The following ANKRD26 variants were observed in gnomAD, a reference collection of about 807,000 sequenced individuals.
ANKRD26 encodes the protein ankyrin repeat domain-containing protein 26.
Under a neutral mutation model 208.7 loss-of-function variants are expected in ANKRD26, and 141 were observed. That is an observed-to-expected ratio of 0.68 (90% CI 0.59 to 0.78). ANKRD26 has a LOEUF of 0.78. Among genes scored for constraint, ANKRD26 ranks in the 30% least tolerant of loss-of-function variants. The pLI, the probability that ANKRD26 is intolerant of heterozygous loss-of-function variation, is 0.00. For synonymous variants in ANKRD26, 636 were observed against 660.4 expected (o/e 0.96, Z 0.57); for missense variants, 1,889 against 1,938.7 (o/e 0.97, Z 0.48).
rs552676067 is a variant in ANKRD26 at position 27,074,573 on chromosome 10, A to AG, written c.1077+2764dup. Among the ~76,000 whole-genome samples, 24 of 152,066 alleles carry AG rather than the reference A, an allele frequency of 1.6e-4. No homozygotes were observed. In the East Asian group the frequency reaches 3.3e-3, roughly 21 times the overall value. On this transcript the variant is annotated intron_variant, in intron 9 of 33. Coordinates refer to ENST00000376087, the MANE Select transcript of ANKRD26 (RefSeq NM_014915.3). Reference sequence around the variant, plus strand: ...GCGTATACCTGTAATCCTAGCTACTAGGGGGGCTGAAGCAGGAGAAGTGCT... The same window carrying AG: ...GCGTATACCTGTAATCCTAGCTACTAGGGGGGGCTGAAGCAGGAGAAGTGCT...
intron 9 of ANKRD26, among the ~76,000 whole-genome samples, chr10:27,070,192 G>A (rs923718315): frequency 6.6e-6 from 1 of 151,042 alleles, no homozygotes; most frequent in Admixed American, 6.6e-5. Flanking sequence ...ATCACTTGAG[G>A]CCAGGTGTTC....
chr10:27,044,186 T>A lies in ANKRD26; in HGVS notation c.1990A>T (p.Thr664Ser). 7.0e-7 allele frequency: 1 copy of A among 1,429,432 alleles called. No individual in the cohort carries two copies. The highest frequency in any genetic ancestry group is 1.9e-5 in the Admixed American group (1 of 51,492). 88.5% of individuals were successfully genotyped at this position (1,429,432 alleles called of 1,614,324 possible). ...SEIDEDEGRP[T>S]KKTSNEKNKV... ...TTCTTTTCATTAGATGTTTTCTTAGTAGGCCTAAAAAAAAAAAATACCTTT... is the reference window on the plus strand; with the variant it reads ...TTCTTTTCATTAGATGTTTTCTTAGAAGGCCTAAAAAAAAAAAATACCTTT... The change falls in exon 19 of 34, where the codon ACT (threonine) becomes TCT (serine). Residue 664 changes from threonine to serine, a missense_variant. Thr to Ser is a moderately conservative substitution (Grantham distance 58). Transcript: ENST00000376087.
At chr10:27,042,558 C>T (rs1484072515) in intron 20 of ANKRD26, among the ~76,000 whole-genome samples, 1 of 152,066 alleles carries the variant, frequency 6.6e-6, no homozygotes, top group Non-Finnish European at 1.5e-5. Flanking sequence ...TTGAGACCAT[C>T]CTGGCTAACA....
At chr10:27,081,801 A>T (rs1397730336) in intron 6 of ANKRD26, among the ~76,000 whole-genome samples, 1 of 151,832 alleles carries the variant, frequency 6.6e-6, no homozygotes, top group Admixed American at 6.6e-5. Context: ...GCAGTGGCGC[A>T]ATCTCGGCTC....
intron 4 of ANKRD26, among the ~76,000 whole-genome samples, chr10:26,998,005 G>A (rs2052634616): frequency 6.6e-6 from 1 of 152,144 alleles, no homozygotes; most frequent in African/African-American, 2.4e-5. Flanking sequence ...TGTTGGGTCT[G>A]ATTACCCCAA....
At chr10:26,967,907 A>C in the ANKRD26 span, among the ~76,000 whole-genome samples, 1 of 152,036 alleles carries the variant, frequency 6.6e-6, no homozygotes, top group Non-Finnish European at 1.5e-5. Context: ...CTCTTCCCTG[A>C]ATTACTAAAT....
intron 32 of ANKRD26, among the ~76,000 whole-genome samples, chr10:27,007,675 C>A (rs1280758178): frequency 1.3e-5 from 2 of 152,080 alleles, no homozygotes; most frequent in South Asian, 2.1e-4. Context: ...AACAAAAAAA[C>A]CACTTTCCAT....
intron 29 of ANKRD26, among the ~76,000 whole-genome samples, chr10:27,021,545 T>C (rs769431256): frequency 1.3e-5 from 2 of 152,220 alleles, no homozygotes; most frequent in East Asian, 3.8e-4. Context: ...ATTAGTGATG[T>C]TGAGCATTTT....
chr10:27,086,494 T>G, intron 5 of ANKRD26, 45 bp downstream of exon 5: 1 of 1,595,674 alleles, frequency 6.3e-7, no homozygotes, highest in Non-Finnish European at 8.5e-7. Flanking sequence ...TACTTTTTTA[T>G]CCATGGTACT....
chr10:27,053,105 T>C (rs568869328), intron 16 of ANKRD26, among the ~76,000 whole-genome samples: 2 of 152,230 alleles, frequency 1.3e-5, no homozygotes, highest in Non-Finnish European at 2.9e-5. Context: ...AGATTAACTA[T>C]AACAAAAACA....
chr10:27,000,846 A>T (rs1343734933), downstream of ANKRD26, among the ~76,000 whole-genome samples: 1 of 152,034 alleles, frequency 6.6e-6, no homozygotes, highest in African/African-American at 2.4e-5. Flanking sequence ...TCTACTAAAA[A>T]TGCAAAATCA....
rs1246910510 is a variant in ANKRD26 at position 27,037,176 on chromosome 10, A to G, written c.2697+10T>C. ...ACATATTTGAAAATGACTAAAGGAA[A>G]TAGAAATACCTCAGAATTCATTTTC... On this transcript the variant is annotated intron_variant, in intron 23 of 33. Transcript: ENST00000376087. The G allele has an allele frequency of 6.2e-7, 1 of 1,612,690 alleles. No individual in the cohort carries two copies.
chr10:26,996,960 G>A (rs1237648360), intron 4 of ANKRD26, among the ~76,000 whole-genome samples: 1 of 151,962 alleles, frequency 6.6e-6, no homozygotes, highest in Non-Finnish European at 1.5e-5. Context: ...ACTAAACTAT[G>A]GTACATTGTC....
At chr10:27,088,878 T>C (rs965914999) in intron 4 of ANKRD26, among the ~76,000 whole-genome samples, 1 of 152,166 alleles carries the variant, frequency 6.6e-6, no homozygotes, top group African/African-American at 2.4e-5. Flanking sequence ...AGGTCAAGGC[T>C]AAGTCAAGGC....
At chr10:27,097,145 G>T (rs1339670572) in intron 1 of ANKRD26, among the ~76,000 whole-genome samples, 1 of 151,462 alleles carries the variant, frequency 6.6e-6, no homozygotes, top group Non-Finnish European at 1.5e-5. Context: ...TCACACCATT[G>T]CACTCCAGCC....
intron 21 of ANKRD26, among the ~76,000 whole-genome samples, chr10:27,039,391 T>G (rs1359714916): frequency 6.6e-6 from 1 of 151,528 alleles, no homozygotes; most frequent in Non-Finnish European, 1.5e-5. Flanking sequence ...GAGGCGGAGG[T>G]TACAGTGAGC....
In ANKRD26 at chr10:27,033,448, TTAA is replaced by T. The variant is rs2053945836; in HGVS notation, c.3655-74_3655-72del. On this transcript the variant is annotated intron_variant, in intron 24 of 33. Coordinates refer to ENST00000376087, the MANE Select transcript of ANKRD26 (RefSeq NM_014915.3). ...AAGTTATGTTAAAAAATAAATTATGTTAATAATATTTAACTATGACATATACAA... is the reference window on the plus strand; with the variant it reads ...AAGTTATGTTAAAAAATAAATTATGTTAATATTTAACTATGACATATACAA... 6.4e-6 allele frequency: 9 copies of T among 1,413,840 alleles called. No individual in the cohort carries two copies. In the Admixed American group the frequency reaches 7.3e-5, roughly 11 times the overall value. 87.6% of individuals were successfully genotyped at this position (1,413,840 alleles called of 1,614,324 possible).
At chr10:26,998,459 C>T (rs565112332) in intron 4 of ANKRD26, among the ~76,000 whole-genome samples, 28 of 152,170 alleles carry the variant, frequency 1.8e-4, no homozygotes, top group African/African-American at 6.0e-4. Context: ...AGTCTGCTAA[C>T]GGGTCTGACC....
At chr10:27,091,802 C>T (rs1483715072) in intron 4 of ANKRD26, among the ~76,000 whole-genome samples, 2 of 152,114 alleles carry the variant, frequency 1.3e-5, no homozygotes, top group Non-Finnish European at 2.9e-5. Context: ...GCCTGACCAA[C>T]ATGATGAAAC....
Sources: gnomAD v4.1 joint callset for allele counts (sites outside exome capture counted in the v4.1 genomes callset) on GRCh38, gnomAD v4.1.1 for gene constraint, MANE v1.5 for transcripts, NCBI Gene and HGNC (gene_info 2026-07-23, HGNC 2026-07-21) for gene names.